TSHZ2: variants seen among roughly 807,000 people sequenced by gnomAD.
TSHZ2 encodes the protein teashirt homolog 2.
A neutral mutation model predicts 74.4 loss-of-function variants in TSHZ2; 21 were observed. The observed-to-expected ratio is 0.28, with a 90% CI of 0.20 to 0.41. TSHZ2 has a LOEUF of 0.41. TSHZ2 is among the 10% of genes least tolerant of loss of function. The pLI, the probability that TSHZ2 is intolerant of heterozygous loss-of-function variation, is 1.00. For missense variants in TSHZ2, 1,244 were observed against 1,293.5 expected, an observed-to-expected ratio of 0.96 and a Z score of 0.59; for synonymous variants, 540 against 515.3, an observed-to-expected ratio of 1.05 and a Z score of -0.65.
At chr20:53,015,759 C>T (rs964301612) in intron 1 of TSHZ2, among the ~76,000 whole-genome samples, 19 of 152,008 alleles carry the variant, frequency 1.2e-4, no homozygotes, top group Non-Finnish European at 2.8e-4. Context: ...GAAATGATGC[C>T]GTTAACTCAC....
chr20:53,441,434 TTTTC>T (rs1984322485), intron 2 of TSHZ2, among the ~76,000 whole-genome samples: 2 of 151,008 alleles, frequency 1.3e-5, no homozygotes, highest in South Asian at 4.2e-4. Context: ...ACCGGCTAGG[TTTTC>T]TTTTTGTTTT....
chr20:53,341,728 G>T (rs1027711643), intron 2 of TSHZ2, among the ~76,000 whole-genome samples: 1 of 151,990 alleles, frequency 6.6e-6, no homozygotes, highest in Non-Finnish European at 1.5e-5. Flanking sequence ...GGTGCGGGCT[G>T]GGGGGACAGA....
rs117960285 is a variant in TSHZ2 at position 53,023,024 on chromosome 20, C to A, written c.40+49691C>A. Among the ~76,000 whole-genome samples the A allele has an allele frequency of 1.4e-4, 22 of 152,152 alleles. No homozygotes were observed. The East Asian group carries it at 2.3e-3, about 16-fold the overall frequency. ...CTCTATAATCCTCAGACTACCCCCC[C>A]ACCCAGATCTGCTCCTGACTCCATA... is the stretch of plus-strand genomic sequence containing the variant. On this transcript the variant is annotated intron_variant, in intron 1 of 2. Transcript: ENST00000371497.
intron 2 of TSHZ2, among the ~76,000 whole-genome samples, chr20:53,290,979 T>C (rs1444597053): frequency 6.6e-6 from 1 of 152,194 alleles, no homozygotes; most frequent in Non-Finnish European, 1.5e-5. Context: ...ATCTACAGAA[T>C]CTGAAATATT....
intron 2 of TSHZ2, among the ~76,000 whole-genome samples, chr20:53,307,116 C>A (rs138888103): frequency 2.0e-5 from 3 of 151,870 alleles, no homozygotes; most frequent in African/African-American, 7.3e-5. Context: ...AGGCTGAGTG[C>A]GGGTAAATGA....
chr20:53,151,126 G>T (rs1457114916), intron 1 of TSHZ2, among the ~76,000 whole-genome samples: 2 of 152,160 alleles, frequency 1.3e-5, no homozygotes, highest in African/African-American at 4.8e-5. Flanking sequence ...AACAGAAGGT[G>T]CATGCAGTAT....
chr20:53,190,137 A>ATATATATATATATT (rs1568803538), intron 1 of TSHZ2, among the ~76,000 whole-genome samples: 2 of 90,496 alleles, frequency 2.2e-5, no homozygotes, highest in Non-Finnish European at 4.4e-5. Context: ...ATATATATAT[A>ATATATATATATATT]TTTTCTTAAA....
At chr20:53,113,370 G>A (rs1196794412) in intron 1 of TSHZ2, among the ~76,000 whole-genome samples, 5 of 152,070 alleles carry the variant, frequency 3.3e-5, no homozygotes, top group South Asian at 2.1e-4. Flanking sequence ...GCCCACTGCC[G>A]TTTATCTCCC....
intron 1 of TSHZ2, among the ~76,000 whole-genome samples, chr20:53,162,331 G>A (rs1287064209): frequency 6.6e-6 from 1 of 152,190 alleles, no homozygotes; most frequent in Non-Finnish European, 1.5e-5. Flanking sequence ...CTGCCGCAAT[G>A]TTTTGGGTTC....
intron 2 of TSHZ2, among the ~76,000 whole-genome samples, chr20:53,482,588 C>T (rs981098391): frequency 3.3e-5 from 5 of 152,164 alleles, no homozygotes; most frequent in Non-Finnish European, 7.3e-5. Flanking sequence ...TAACTATATA[C>T]ACCTACTATG....
At chr20:53,364,790 C>A (rs1981194964) in intron 2 of TSHZ2, among the ~76,000 whole-genome samples, 1 of 152,362 alleles carries the variant, frequency 6.6e-6, no homozygotes, top group African/African-American at 2.4e-5. Flanking sequence ...ATTGCCAACA[C>A]CAGCGGAACT....
chr20:53,038,192 CAAAAAAAAAAAAAAAAAAAAAAAAAAA>C (rs869242676), intron 1 of TSHZ2, among the ~76,000 whole-genome samples: 82 of 53,944 alleles, frequency 1.5e-3, no homozygotes, highest in African/African-American at 4.5e-3. Context: ...GATTCCGTCT[CAAAAAAAAAAAAAAAAAAAAAAAAAAA>C]AAAAAAAAAA....
At chr20:53,246,952 G>GA (rs1476934337) in intron 1 of TSHZ2, among the ~76,000 whole-genome samples, 1 of 151,924 alleles carries the variant, frequency 6.6e-6, no homozygotes, top group Non-Finnish European at 1.5e-5. Flanking sequence ...TCAGGAAATT[G>GA]AAAAAAATAG....
intron 1 of TSHZ2, among the ~76,000 whole-genome samples, chr20:53,167,443 C>T (rs943000937): frequency 6.6e-6 from 1 of 152,152 alleles, no homozygotes; most frequent in Non-Finnish European, 1.5e-5. Context: ...GCAGGGAAGT[C>T]AGGCTTCAAA....
At chr20:53,341,931 G>A (rs1159217564) in intron 2 of TSHZ2, among the ~76,000 whole-genome samples, 3 of 152,082 alleles carry the variant, frequency 2.0e-5, no homozygotes, top group Admixed American at 6.5e-5. Flanking sequence ...GACTGGTCTC[G>A]AACTCCTGAG....
intron 2 of TSHZ2, among the ~76,000 whole-genome samples, chr20:53,349,493 A>G (rs967005575): frequency 2.0e-5 from 3 of 152,084 alleles, no homozygotes; most frequent in Non-Finnish European, 4.4e-5. Flanking sequence ...CTCTACAAAC[A>G]ATATGAAAAC....
intron 1 of TSHZ2, among the ~76,000 whole-genome samples, chr20:53,078,121 C>T (rs73911303): frequency 0.012 from 1,854 of 152,286 alleles, 24 homozygotes; most frequent in African/African-American, 0.042. Context: ...CTATCAATCA[C>T]GAATCCAGCT....
Position 53,491,043 on chromosome 20 carries a change from G to A in TSHZ2, c.*3908G>A, listed in dbSNP as rs1986432649. 1 of 143,300 alleles carries A rather than the reference G, an allele frequency of 7.0e-6. No homozygotes were observed. The highest frequency in any genetic ancestry group is 2.2e-4 in the South Asian group (1 of 4,470). The allele number at this position is 143,300 out of a possible 1,614,324, so 8.9% of individuals were successfully genotyped here. ...TTTTTCATTGAGTTTCATTTTTTAA[G>A]CTTGTTAAATGCTTTTGTTTAAAAA... On this transcript the variant is annotated 3_prime_UTR_variant, in exon 3 of 3. Transcript: ENST00000371497.
rs77711402 is a variant in TSHZ2 at position 53,329,809 on chromosome 20, A to G, written c.*8+73238A>G. 1.6e-4 allele frequency among the ~76,000 whole-genome samples: 25 copies of G among 152,284 alleles called. No individual in the cohort carries two copies. In the East Asian group the frequency reaches 4.8e-3, roughly 29 times the overall value. ...TAACTAATAGGCATCCACTGGAGGA[A>G]AAGAAAGAGAAAGAGAGAGAGAGAG... On this transcript the variant is annotated intron_variant, in intron 2 of 2. Coordinates refer to ENST00000371497, the MANE Select transcript of TSHZ2 (RefSeq NM_173485.6).
Sources: gnomAD v4.1 joint callset for allele counts (sites outside exome capture counted in the v4.1 genomes callset) on GRCh38, gnomAD v4.1.1 for gene constraint, MANE v1.5 for transcripts, NCBI Gene and HGNC (gene_info 2026-07-23, HGNC 2026-07-21) for gene names.